MIB1: variants seen among roughly 807,000 people sequenced by gnomAD.
The protein encoded by MIB1 is E3 ubiquitin-protein ligase MIB1.
Under a neutral mutation model 124.5 loss-of-function variants are expected in MIB1, and 278 were observed. The ratio of observed to expected loss-of-function variants is 2.23; its 90% CI spans 2.02 to 2.47. The LOEUF (loss-of-function observed/expected upper bound fraction) is 2.47. MIB1 is among the 30% of genes most tolerant of loss of function. The probability of loss-of-function intolerance (pLI) is 0.00; values close to 1 mark genes in which losing one functional copy is unlikely to be tolerated. For synonymous variants in MIB1, 446 were observed against 429.4 expected (o/e 1.04, Z -0.48); for missense variants, 957 against 1,254.4 (o/e 0.76, Z 3.58).
At chr18:21,842,645 C>T (rs1206098887) in intron 13 of MIB1, among the ~76,000 whole-genome samples, 1 of 152,170 alleles carries the variant, frequency 6.6e-6, no homozygotes, top group East Asian at 1.9e-4. Flanking sequence ...TAAGCATTAC[C>T]TTCTCACCTA....
At position 21,773,614 on chromosome 18, in the gene MIB1, A is replaced by C; in HGVS notation, c.532-10A>C. 1 of 1,583,884 alleles carries C rather than the reference A, an allele frequency of 6.3e-7. No individual in the cohort carries two copies. The highest frequency in any genetic ancestry group is 8.6e-7 in the Non-Finnish European group (1 of 1,159,910). ...TAAAAAACTTCTTTTCTCAAAAACT[A>C]TTCTGTTAGGTAACAGAAATCCAGG... On this transcript the variant is annotated splice_polypyrimidine_tract_variant and intron_variant, in intron 3 of 20. Transcript: ENST00000261537.
intron 1 of MIB1, chr18:21,712,106 T>TAAATAAAAA (rs1321922496): frequency 1.5e-4 from 26 of 178,338 alleles, no homozygotes; most frequent in Non-Finnish European, 7.4e-5. Flanking sequence ...AGCACAGTGC[T>TAAATAAAAA]TATACAGGAA....
At chr18:21,794,155 A>G (rs1391460528) in intron 7 of MIB1, 1 of 152,152 alleles carries the variant, frequency 6.6e-6, no homozygotes, top group African/African-American at 2.4e-5. Flanking sequence ...AGTGAGACTG[A>G]CTCTTAAAAA....
At position 21,710,827 on chromosome 18, in the gene MIB1, ATT is replaced by A. The variant is rs34702356; in HGVS notation, n.167+5725_167+5726del. The stretch of plus-strand genomic sequence containing the variant: ...TATGCTAGTTTAACATAATTGACTG[ATT>A]TTTTTTTTTTTTTTTTTTTTGAGAT... On this transcript the variant is annotated intron_variant and non_coding_transcript_variant, in intron 1 of 20. Transcript: ENST00000578646. 9.6e-3 allele frequency among the ~76,000 whole-genome samples: 1,123 copies of A among 116,994 alleles called. 6 individuals carry two copies. Among genetic ancestry groups the A allele is most frequent in the African/African-American group, 0.035 (989 of 28,522 alleles). 76.8% of individuals were successfully genotyped at this position (116,994 alleles called of 152,430 possible).
intron 12 of MIB1, among the ~76,000 whole-genome samples, chr18:21,831,786 T>G (rs2041986069): frequency 6.6e-6 from 1 of 152,016 alleles, no homozygotes; most frequent in African/African-American, 2.4e-5. Context: ...TTAGAAGCAC[T>G]GCAGAGAAAA....
rs185808419 is a variant in MIB1 at position 21,821,550 on chromosome 18, A to G, written c.1829+1904A>G. ...TACCTCCTGTGTCATCACTGGAATT[A>G]TTTTGTTTGCTCTATACTTCCTTGT... On this transcript the variant is annotated intron_variant, in intron 12 of 20. Coordinates refer to ENST00000261537, the MANE Select transcript of MIB1 (RefSeq NM_020774.4). 1.9e-4 allele frequency among the ~76,000 whole-genome samples: 27 copies of G among 143,950 alleles called. No homozygotes were observed. The East Asian group carries it at 2.3e-3, about 12-fold the overall frequency. 94.4% of individuals were successfully genotyped at this position (143,950 alleles called of 152,430 possible). A position where few individuals can be genotyped will look rare whatever the true frequency, so the allele number is the denominator to read the frequency against.
chr18:21,831,123 AAAAC>A (rs2041976792), intron 12 of MIB1: 2 of 151,734 alleles, frequency 1.3e-5, no homozygotes, highest in East Asian at 3.9e-4. Context: ...AAAAAAAACA[AAAAC>A]AGAACCCAAA....
rs886247804 is a variant in MIB1 at position 21,868,255 on chromosome 18, A to G, written c.*3589A>G. The G allele has an allele frequency of 2.6e-5, 4 of 152,192 alleles. No homozygotes were observed. The highest frequency in any genetic ancestry group is 7.2e-5 in the African/African-American group (3 of 41,436). The allele number at this position is 152,192 out of a possible 1,614,324, so 9.4% of individuals were successfully genotyped here. On this transcript the variant is annotated 3_prime_UTR_variant, in exon 21 of 21. Transcript: ENST00000261537. ...TTTCATCTTGCAAAACTGAAACTCC[A>G]TACCCATTAAACAACTCCCCTTTTT...
intron 7 of MIB1, among the ~76,000 whole-genome samples, chr18:21,796,214 T>TA (rs1024600494): frequency 6.6e-6 from 1 of 150,810 alleles, no homozygotes. Flanking sequence ...CTTCCAGCCA[T>TA]AAAAAAAGAA....
At chr18:21,817,154 CTTTTTTTTT>C (rs1040673828) in intron 11 of MIB1, among the ~76,000 whole-genome samples, 1 of 75,012 alleles carries the variant, frequency 1.3e-5, no homozygotes, top group East Asian at 4.5e-4. Context: ...GTTAGGAATT[CTTTTTTTTT>C]TTTTTTTTTT....
At position 21,847,011 on chromosome 18, in the gene MIB1, C is replaced by CA. The variant is rs1347354653; in HGVS notation, c.2280dup (p.Ala761SerfsTer5). The CA allele has an allele frequency of 6.2e-7, 1 of 1,614,138 alleles. No individual in the cohort carries two copies. The highest frequency in any genetic ancestry group is 8.5e-7 in the Non-Finnish European group (1 of 1,180,010). Reference sequence around the variant, plus strand: ...GCAGCATCTATTGCCTGTTTCTTGGCAGCCAATGGTGCTGACCTGAGCATT... The same window carrying CA: ...GCAGCATCTATTGCCTGTTTCTTGGCAAGCCAATGGTGCTGACCTGAGCATT... On this transcript the variant is annotated frameshift_variant, in exon 16 of 21. Coordinates refer to ENST00000261537, the MANE Select transcript of MIB1 (RefSeq NM_020774.4). LOFTEE classifies it high-confidence loss of function.
intron 18 of MIB1, 95 bp from the exon 19 acceptor site, chr18:21,857,035 C>A: frequency 1.3e-6 from 1 of 777,584 alleles, no homozygotes; most frequent in Non-Finnish European, 2.3e-6. Context: ...ACATTTATTT[C>A]AGTGTGAAAT....
intron 1 of MIB1, among the ~76,000 whole-genome samples, chr18:21,748,512 C>G (rs1264519372): frequency 6.6e-6 from 1 of 151,428 alleles, no homozygotes; most frequent in Non-Finnish European, 1.5e-5. Context: ...TCACTGCAAC[C>G]TCTGCCTCCT....
At chr18:21,788,358 C>T (rs2041460762) in intron 6 of MIB1, among the ~76,000 whole-genome samples, 1 of 152,154 alleles carries the variant, frequency 6.6e-6, no homozygotes, top group African/African-American at 2.4e-5. Flanking sequence ...GTATTCAAAT[C>T]TTACGAGCAT....
chr18:21,756,959 T>C (rs1232636186), intron 1 of MIB1, among the ~76,000 whole-genome samples: 5 of 152,184 alleles, frequency 3.3e-5, no homozygotes, highest in African/African-American at 1.2e-4. Flanking sequence ...CAAAATAGAA[T>C]AATTTGTCTA....
chr18:21,806,864 A>G (rs1030166898), intron 10 of MIB1, among the ~76,000 whole-genome samples: 3 of 150,988 alleles, frequency 2.0e-5, no homozygotes, highest in Non-Finnish European at 3.0e-5. Context: ...CTCGTGATCC[A>G]CCTGCCTTGG....
intron 10 of MIB1, among the ~76,000 whole-genome samples, chr18:21,812,071 T>C (rs567201534): frequency 1.3e-5 from 2 of 152,260 alleles, no homozygotes; most frequent in African/African-American, 4.8e-5. Context: ...CAAATAATTA[T>C]ACTATAGTGT....
chr18:21,762,127 CT>C (rs1482659082), intron 1 of MIB1, among the ~76,000 whole-genome samples: 1 of 152,164 alleles, frequency 6.6e-6, no homozygotes, highest in East Asian at 1.9e-4. Context: ...AAAAATACTA[CT>C]TCAGTGCATG....
intron 1 of MIB1, among the ~76,000 whole-genome samples, chr18:21,743,181 T>C (rs191778129): frequency 3.9e-5 from 6 of 152,330 alleles, no homozygotes; most frequent in Non-Finnish European, 7.4e-5. Flanking sequence ...GTTACCAGTT[T>C]TTTGTGTAGT....
Sources: gnomAD v4.1 joint callset for allele counts (sites outside exome capture counted in the v4.1 genomes callset) on GRCh38, gnomAD v4.1.1 for gene constraint, MANE v1.5 for transcripts, NCBI Gene and HGNC (gene_info 2026-07-23, HGNC 2026-07-21) for gene names.